Variants in TMEM232 observed in about 807,000 individuals in gnomAD.
The protein encoded by TMEM232 is transmembrane protein 232.
TMEM232 carries 80 observed loss-of-function variants against 78.8 expected under a neutral mutation model. The ratio of observed to expected loss-of-function variants is 1.01; its 90% CI spans 0.85 to 1.22. The LOEUF is 1.22. Ranked by LOEUF, TMEM232 falls within the 50% of genes most tolerant of loss-of-function variation. The probability of loss-of-function intolerance (pLI) is 0.00; values close to 1 mark genes in which losing one functional copy is unlikely to be tolerated. For synonymous variants in TMEM232, 297 were observed against 254.3 expected, an observed-to-expected ratio of 1.17 and a Z score of -1.60; for missense variants, 881 against 742.2, an observed-to-expected ratio of 1.19 and a Z score of -2.17.
Position 110,422,519 on chromosome 5 carries a change from CAAAAAAAAA to C in TMEM232, c.1798-1772_1798-1764del, listed in dbSNP as rs34448955. ...TGGGCCACAGAGCGAGACTCTGTCT[CAAAAAAAAA>C]AAAAAAAAAAAAAAAAAAAATTGTG... On this transcript the variant is annotated intron_variant, in intron 13 of 13. Coordinates refer to ENST00000455884, the MANE Select transcript of TMEM232 (RefSeq NM_001039763.4). 4.3e-4 allele frequency among the ~76,000 whole-genome samples: 15 copies of C among 34,560 alleles called. 1 individual carries two copies. The highest frequency in any genetic ancestry group is 3.5e-3 in the East Asian group (4 of 1,136). 22.7% of individuals were successfully genotyped at this position (34,560 alleles called of 152,430 possible). A position where few individuals can be genotyped will look rare whatever the true frequency, so the allele number is the denominator to read the frequency against.
intron 8 of TMEM232, among the ~76,000 whole-genome samples, chr5:110,611,266 T>C (rs1201893241): frequency 2.0e-5 from 3 of 152,164 alleles, no homozygotes; most frequent in Admixed American, 6.6e-5. Context: ...CATTCTTGAT[T>C]TTTACTGCTT....
intron 2 of TMEM232, among the ~76,000 whole-genome samples, chr5:110,659,457 C>A (rs1195470504): frequency 6.6e-6 from 1 of 152,124 alleles, no homozygotes; most frequent in Non-Finnish European, 1.5e-5. Flanking sequence ...GGTACACTTA[C>A]AGGTGCCTGG....
chr5:110,497,967 C>T (rs1009171955), intron 12 of TMEM232, among the ~76,000 whole-genome samples: 4 of 151,894 alleles, frequency 2.6e-5, no homozygotes, highest in Non-Finnish European at 4.4e-5. Context: ...GGATATGGGT[C>T]GTACAAGACA....
At chr5:110,528,881 G>A (rs1771006688) in intron 11 of TMEM232, 46 bp from the exon 12 acceptor site, 1 of 1,266,230 alleles carries the variant, frequency 7.9e-7, no homozygotes, top group Non-Finnish European at 9.9e-7. Context: ...AGGATTAAAT[G>A]GGAGAAAAAA....
At chr5:110,598,917 C>G (rs531034693) in intron 10 of TMEM232, among the ~76,000 whole-genome samples, 1 of 149,094 alleles carries the variant, frequency 6.7e-6, no homozygotes, top group Non-Finnish European at 1.5e-5. Context: ...TGCTAAATGA[C>G]GAGTTAATGG....
chr5:110,491,526 A>G (rs1765096877), intron 12 of TMEM232, among the ~76,000 whole-genome samples: 1 of 152,056 alleles, frequency 6.6e-6, no homozygotes, highest in South Asian at 2.1e-4. Flanking sequence ...ATATTTCCTA[A>G]TGGTAAAAGA....
At chr5:110,470,486 C>G (rs1263481963) in intron 12 of TMEM232, among the ~76,000 whole-genome samples, 1 of 152,106 alleles carries the variant, frequency 6.6e-6, no homozygotes. Flanking sequence ...GCTTAGGAAC[C>G]AAGTCAGACA....
chr5:110,471,243 T>C (rs1025288522), intron 12 of TMEM232, among the ~76,000 whole-genome samples: 1 of 152,116 alleles, frequency 6.6e-6, no homozygotes, highest in Non-Finnish European at 1.5e-5. Context: ...GTGAAGACAG[T>C]ATACAAGACT....
intron 2 of TMEM232, among the ~76,000 whole-genome samples, chr5:110,664,451 G>A (rs1031986216): frequency 6.6e-6 from 1 of 152,158 alleles, no homozygotes; most frequent in Non-Finnish European, 1.5e-5. Context: ...AAATGAACTG[G>A]AATGATATCT....
chr5:110,467,372 G>A (rs1762198428), intron 12 of TMEM232, among the ~76,000 whole-genome samples: 1 of 152,128 alleles, frequency 6.6e-6, no homozygotes, highest in Admixed American at 6.5e-5. Flanking sequence ...GAGAGATGGT[G>A]GTGTTCTAAG....
Position 110,396,155 on chromosome 5 carries a change from G to A in TMEM232, n.390+1618C>T, listed in dbSNP as rs1046430678. Among the ~76,000 whole-genome samples the A allele has an allele frequency of 7.9e-5, 12 of 152,264 alleles. 1 individual carries two copies. In the East Asian group the frequency reaches 9.7e-4, roughly 12 times the overall value. ...GAAGCAAGGGCACATCTTATATGGT[G>A]GCAGGAGAGAGAGAGAATGCAGGGG... is the stretch of plus-strand genomic sequence containing the variant. On this transcript the variant is annotated intron_variant and non_coding_transcript_variant, in intron 3 of 8. Transcript: ENST00000507188.
intron 2 of TMEM232, among the ~76,000 whole-genome samples, chr5:110,400,559 C>T (rs1313783245): frequency 6.6e-6 from 1 of 151,930 alleles, no homozygotes; most frequent in Admixed American, 6.6e-5. Flanking sequence ...ATGTGTATTA[C>T]ACTGCTTCAG....
chr5:110,402,391 T>C (rs10214300), intron 2 of TMEM232, among the ~76,000 whole-genome samples: 4,671 of 152,176 alleles, frequency 0.031, 260 homozygotes, highest in African/African-American at 0.11. Flanking sequence ...TTAAAATAAA[T>C]GTGTATATTA....
At chr5:110,455,971 A>G (rs1423144808) in intron 12 of TMEM232, among the ~76,000 whole-genome samples, 1 of 152,244 alleles carries the variant, frequency 6.6e-6, no homozygotes, top group South Asian at 2.1e-4. Context: ...AAAGGGATCT[A>G]TGAAAATCTA....
chr5:110,730,101 T>C (rs1288793271), upstream of TMEM232, among the ~76,000 whole-genome samples: 1 of 152,220 alleles, frequency 6.6e-6, no homozygotes, highest in Non-Finnish European at 1.5e-5. Context: ...AGTTACACAA[T>C]TTAAAATATG....
intron 11 of TMEM232, among the ~76,000 whole-genome samples, chr5:110,558,424 T>A (rs1359627853): frequency 1.3e-5 from 2 of 151,942 alleles, no homozygotes; most frequent in Non-Finnish European, 2.9e-5. Flanking sequence ...TATAAGTGGG[T>A]GTTACTGGAA....
chr5:110,633,466 T>A (rs1785405114), intron 5 of TMEM232, among the ~76,000 whole-genome samples: 1 of 152,092 alleles, frequency 6.6e-6, no homozygotes, highest in African/African-American at 2.4e-5. Flanking sequence ...AAATCTCATC[T>A]CAAATTGTAA....
chr5:110,659,376 T>C (rs12109017), intron 2 of TMEM232, among the ~76,000 whole-genome samples: 1,782 of 152,190 alleles, frequency 0.012, 44 homozygotes, highest in African/African-American at 0.04. Flanking sequence ...CCCAGATTTA[T>C]ACCCTAGACA....
chr5:110,600,977 T>C (rs1218551060), intron 10 of TMEM232, among the ~76,000 whole-genome samples: 1 of 152,198 alleles, frequency 6.6e-6, no homozygotes, highest in African/African-American at 2.4e-5. Context: ...GTCAGCTTCA[T>C]CCCTGAGATG....
Sources: gnomAD v4.1 joint callset for allele counts (sites outside exome capture counted in the v4.1 genomes callset) on GRCh38, gnomAD v4.1.1 for gene constraint, MANE v1.5 for transcripts, NCBI Gene and HGNC (gene_info 2026-07-23, HGNC 2026-07-21) for gene names.